The following CDKAL1 variants were observed in gnomAD, a reference collection of about 807,000 sequenced individuals.
The protein encoded by CDKAL1 is CDKAL1 threonylcarbamoyladenosine tRNA methylthiotransferase, also known as threonylcarbamoyladenosine tRNA methylthiotransferase.
In CDKAL1, 32 loss-of-function variants were observed where a neutral mutation model predicts 68.2. The observed-to-expected ratio is 0.47, with a 90% confidence interval of 0.35 to 0.63. The LOEUF is 0.63. CDKAL1 is among the 30% of genes least tolerant of loss of function. The pLI, the probability that CDKAL1 is intolerant of heterozygous loss-of-function variation, is 0.00. For synonymous variants in CDKAL1, 234 were observed against 244.3 expected, an observed-to-expected ratio of 0.96 and a Z score of 0.39; for missense variants, 606 against 696.7, an observed-to-expected ratio of 0.87 and a Z score of 1.47.
chr6:21,107,430 T>C (rs1335255665), intron 12 of CDKAL1, among the ~76,000 whole-genome samples: 7 of 151,910 alleles, frequency 4.6e-5, no homozygotes, highest in African/African-American at 1.5e-4. Context: ...CTTTCTTTTG[T>C]TTTGTTTTGT....
chr6:20,601,058 C>G (rs1766075052), intron 4 of CDKAL1, among the ~76,000 whole-genome samples: 1 of 151,918 alleles, frequency 6.6e-6, no homozygotes, highest in African/African-American at 2.4e-5. Flanking sequence ...TGGCAGTTTC[C>G]TCTGGATGGC....
intron 9 of CDKAL1, among the ~76,000 whole-genome samples, chr6:20,946,634 G>A (rs1581889772): frequency 9.9e-6 from 1 of 101,506 alleles, no homozygotes; most frequent in African/African-American, 3.9e-5. Context: ...TTTCACTCTT[G>A]TTGCCCAGGC....
At chr6:20,889,929 T>A (rs1581772452) in intron 9 of CDKAL1, among the ~76,000 whole-genome samples, 1 of 151,890 alleles carries the variant, frequency 6.6e-6, no homozygotes, top group Non-Finnish European at 1.5e-5. Flanking sequence ...GTAAAAAAAA[T>A]TTTTTTTAGA....
chr6:20,842,157 A>G (rs996776850), intron 8 of CDKAL1, among the ~76,000 whole-genome samples: 4 of 152,212 alleles, frequency 2.6e-5, no homozygotes, highest in Non-Finnish European at 1.5e-5. Flanking sequence ...TGTTGAAATG[A>G]TTGGTCAACA....
intron 9 of CDKAL1, among the ~76,000 whole-genome samples, chr6:20,881,844 T>C (rs1177781161): frequency 6.6e-6 from 1 of 152,214 alleles, no homozygotes; most frequent in Non-Finnish European, 1.5e-5. Context: ...TAAAATGCAC[T>C]CTTTTTGGAA....
At chr6:20,687,060 A>G (rs1770660096) in intron 5 of CDKAL1, among the ~76,000 whole-genome samples, 1 of 152,210 alleles carries the variant, frequency 6.6e-6, no homozygotes, top group Non-Finnish European at 1.5e-5. Context: ...GTCATGGTGT[A>G]TAATTCTTTT....
At chr6:21,067,489 G>A (rs2150936320) in intron 12 of CDKAL1, among the ~76,000 whole-genome samples, 1 of 152,248 alleles carries the variant, frequency 6.6e-6, no homozygotes, top group Middle Eastern at 3.4e-3. Context: ...GTGGGCGCCT[G>A]TAGTCTCAGC....
At chr6:20,789,161 T>C (rs1775795694) in intron 8 of CDKAL1, among the ~76,000 whole-genome samples, 1 of 152,252 alleles carries the variant, frequency 6.6e-6, no homozygotes, top group Admixed American at 6.5e-5. Flanking sequence ...AATTGTGAAC[T>C]GCGTTTTTAC....
At position 20,605,036 on chromosome 6, in the gene CDKAL1, A is replaced by G. The variant is rs565462983; in HGVS notation, c.287-44257A>G. Among the ~76,000 whole-genome samples, 137 of 151,606 alleles carry G rather than the reference A, an allele frequency of 9.0e-4. 1 individual carries two copies. The highest frequency in any genetic ancestry group is 3.1e-3 in the African/African-American group (129 of 41,544). ...TTCTTGGCCATTTTGCAGTCCTTAC[A>G]CTACTGAGCAAATACTCAGAAAGAG... On this transcript the variant is annotated intron_variant, in intron 4 of 15. Transcript: ENST00000274695.
intron 9 of CDKAL1, among the ~76,000 whole-genome samples, chr6:20,848,287 T>TTTTTTTTTGTTTGTTTG (rs372563354): frequency 1.0e-4 from 6 of 59,286 alleles, no homozygotes; most frequent in Admixed American, 3.5e-4. Context: ...TTGTTTTTTT[T>TTTTTTTTTGTTTGTTTG]TTTTTTCCAA....
chr6:20,775,335 C>T (rs1297802189), intron 7 of CDKAL1, among the ~76,000 whole-genome samples: 1 of 152,046 alleles, frequency 6.6e-6, no homozygotes, highest in Non-Finnish European at 1.5e-5. Flanking sequence ...TGCTTTCTTT[C>T]TTTTCTCTTT....
At chr6:20,942,613 TGCCTTGGCCTCC>T (rs1764037926) in intron 9 of CDKAL1, among the ~76,000 whole-genome samples, 1 of 149,712 alleles carries the variant, frequency 6.7e-6, no homozygotes, top group Non-Finnish European at 1.5e-5. Context: ...GTGATCTGCC[TGCCTTGGCCTCC>T]CAAAGTGCTG....
intron 12 of CDKAL1, among the ~76,000 whole-genome samples, chr6:21,092,243 A>G (rs1773072303): frequency 1.4e-5 from 2 of 140,994 alleles, no homozygotes; most frequent in Admixed American, 7.1e-5. Flanking sequence ...CGGGGTTTAG[A>G]TTAACTGATT....
At chr6:21,040,047 A>G (rs927581955) in intron 11 of CDKAL1, among the ~76,000 whole-genome samples, 1 of 152,214 alleles carries the variant, frequency 6.6e-6, no homozygotes, top group Non-Finnish European at 1.5e-5. Flanking sequence ...GCCTTGATCC[A>G]TTGAGATGCT....
chr6:20,924,633 T>A (rs1763103449), intron 9 of CDKAL1, among the ~76,000 whole-genome samples: 1 of 152,222 alleles, frequency 6.6e-6, no homozygotes, highest in Non-Finnish European at 1.5e-5. Context: ...GCCCTAACTC[T>A]GTTCAATTCT....
intron 15 of CDKAL1, among the ~76,000 whole-genome samples, chr6:21,208,614 T>TA (rs1344015390): frequency 6.6e-6 from 1 of 151,734 alleles, no homozygotes; most frequent in Non-Finnish European, 1.5e-5. Flanking sequence ...CTGTTCCTTT[T>TA]TTTTCTTACT....
intron 13 of CDKAL1, among the ~76,000 whole-genome samples, chr6:21,149,484 G>C (rs1031594699): frequency 1.3e-5 from 2 of 152,136 alleles, no homozygotes; most frequent in Admixed American, 6.5e-5. Flanking sequence ...TGTAATAAAA[G>C]TACTTCAGTG....
Position 21,141,166 on chromosome 6 carries a change from G to A in CDKAL1, c.1299+32703G>A, listed in dbSNP as rs867972409. Among the ~76,000 whole-genome samples the A allele has an allele frequency of 4.6e-5, 7 of 152,242 alleles. No homozygotes were observed. In the South Asian group the frequency reaches 1.2e-3, roughly 27 times the overall value. On this transcript the variant is annotated intron_variant, in intron 13 of 15. Coordinates refer to ENST00000274695, the MANE Select transcript of CDKAL1 (RefSeq NM_017774.3). ...ATATTTCACCACTCCCCCCTTGCAC[G>A]CTATATTTAATCCTTACTGAGCTAC...
At position 20,956,540 on chromosome 6, in the gene CDKAL1, A is replaced by G. The variant is rs1267145821; in HGVS notation, c.909+955A>G. 3.3e-5 allele frequency among the ~76,000 whole-genome samples: 5 copies of G among 152,258 alleles called. No individual in the cohort carries two copies. In the East Asian group the frequency reaches 9.6e-4, roughly 29 times the overall value. On this transcript the variant is annotated intron_variant, in intron 10 of 15. Coordinates refer to ENST00000274695, the MANE Select transcript of CDKAL1 (RefSeq NM_017774.3). ...AGTCATGTGTAAAGCATGAAAATGA[A>G]TAACTTTTATTTTTTTCAAGTGTGT...
Sources: allele counts gnomAD v4.1 joint callset (sites outside exome capture counted in the v4.1 genomes callset), GRCh38; gene constraint gnomAD v4.1.1; transcripts MANE v1.5; gene names NCBI Gene and HGNC (gene_info 2026-07-23, HGNC 2026-07-21).